The following GPSM2 variants were observed in gnomAD, a reference collection of about 807,000 sequenced individuals.
The protein encoded by GPSM2 is G protein signaling modulator 2.
A neutral mutation model predicts 78.4 loss-of-function variants in GPSM2; 58 were observed. The ratio of observed to expected loss-of-function variants is 0.74; its 90% confidence interval spans 0.60 to 0.92. The LOEUF is 0.92. Ranked by LOEUF, GPSM2 falls within the 40% of genes least tolerant of loss-of-function variation. GPSM2 has a pLI of 0.00. For synonymous variants in GPSM2, 224 were observed against 280.2 expected, an observed-to-expected ratio of 0.80 and a Z score of 2.00; for missense variants, 700 against 815.5, an observed-to-expected ratio of 0.86 and a Z score of 1.73.
chr1:108,916,108 G>A (rs1326542817), intron 11 of GPSM2, among the ~76,000 whole-genome samples: 6 of 149,884 alleles, frequency 4.0e-5, no homozygotes, highest in Non-Finnish European at 7.4e-5. Flanking sequence ...AGAAAAATTA[G>A]CTGGGCCTGG....
intron 2 of GPSM2, among the ~76,000 whole-genome samples, chr1:108,893,261 G>A (rs1169240727): frequency 6.6e-6 from 1 of 152,110 alleles, no homozygotes; most frequent in Non-Finnish European, 1.5e-5. Flanking sequence ...TTATACTTCC[G>A]ATTTTTAAAT....
In GPSM2 at chr1:108,887,987, G is replaced by A. The variant is rs116262727; in HGVS notation, c.56+2409G>A. 7.0e-3 allele frequency among the ~76,000 whole-genome samples: 1,065 copies of A among 152,262 alleles called. 11 individuals are homozygous for A. Among genetic ancestry groups the A allele is most frequent in the African/African-American group, 0.024 (1,007 of 41,542 alleles). ...GCAAGTTCTGGTAATTGCACTAAAC[G>A]ATAAAATAAATGCAAACTTAAATAT... On this transcript the variant is annotated intron_variant, in intron 2 of 14. Coordinates refer to ENST00000264126, the MANE Select transcript of GPSM2 (RefSeq NM_013296.5).
At chr1:108,904,354 T>A (rs1258915560) in intron 10 of GPSM2, 100 bp downstream of exon 10, 1 of 671,784 alleles carries the variant, frequency 1.5e-6, no homozygotes, top group Non-Finnish European at 2.6e-6. Flanking sequence ...ATATATAACA[T>A]GGGAAGTTCA....
intron 13 of GPSM2, 35 bp downstream of exon 13, chr1:108,922,611 G>A (rs1650801866): frequency 1.3e-6 from 2 of 1,517,246 alleles, no homozygotes; most frequent in Admixed American, 1.7e-5. Flanking sequence ...GATTTTAATA[G>A]TTCTCTTTGA....
intron 14 of GPSM2, among the ~76,000 whole-genome samples, chr1:108,925,058 T>C (rs768664825): frequency 1.2e-3 from 178 of 152,310 alleles, no homozygotes; most frequent in Non-Finnish European, 1.9e-3. Flanking sequence ...ATATCAGTTA[T>C]ATATTATGGT....
intron 2 of GPSM2, among the ~76,000 whole-genome samples, chr1:108,896,530 A>G (rs967263721): frequency 4.6e-5 from 7 of 152,232 alleles, no homozygotes; most frequent in Admixed American, 1.3e-4. Context: ...AAGGAAGTCC[A>G]GAGGTCTGTT....
Position 108,891,025 on chromosome 1 carries a change from A to G in GPSM2, c.56+5447A>G, listed in dbSNP as rs1206793457. ...CAAATTAAATCATATGCTTTCCGGA[A>G]TGTACTTCAGACCAATCTGGGGTTG... On this transcript the variant is annotated intron_variant, in intron 2 of 14. Coordinates refer to ENST00000264126, the MANE Select transcript of GPSM2 (RefSeq NM_013296.5). 2.6e-5 allele frequency among the ~76,000 whole-genome samples: 4 copies of G among 152,200 alleles called. No individual in the cohort carries two copies. The South Asian group carries it at 6.2e-4, about 24-fold the overall frequency.
chr1:108,911,288 G>A (rs1353322277), intron 10 of GPSM2, among the ~76,000 whole-genome samples: 1 of 152,170 alleles, frequency 6.6e-6, no homozygotes, highest in Non-Finnish European at 1.5e-5. Flanking sequence ...AGCACTTTGG[G>A]ATGCCGAGGC....
At position 108,926,031 on chromosome 1, in the gene GPSM2, G is replaced by T. The variant is rs185906331; in HGVS notation, c.1815+1817G>T. 7.9e-5 allele frequency among the ~76,000 whole-genome samples: 12 copies of T among 152,220 alleles called. No homozygotes were observed. In the East Asian group the frequency reaches 2.3e-3, roughly 29 times the overall value. ...TGCTTTTATTTTCTCACCAAAGAAA[G>T]AAGTAGTCATCAGTTAAGATTGGAG... On this transcript the variant is annotated intron_variant, in intron 14 of 14. Coordinates refer to ENST00000264126, the MANE Select transcript of GPSM2 (RefSeq NM_013296.5).
chr1:108,878,060 C>G (rs1229197962), intron 1 of GPSM2, among the ~76,000 whole-genome samples: 2 of 152,158 alleles, frequency 1.3e-5, no homozygotes, highest in Non-Finnish European at 2.9e-5. Flanking sequence ...GCAGGACCAA[C>G]AGAGCTGAGT....
At chr1:108,897,159 T>A in intron 3 of GPSM2, 74 bp downstream of exon 3, 2 of 1,052,616 alleles carry the variant, frequency 1.9e-6, no homozygotes, top group Non-Finnish European at 2.9e-6. Context: ...TCTATTCAAT[T>A]AACAAAAACT....
chr1:108,879,763 C>G (rs757761854), intron 1 of GPSM2, among the ~76,000 whole-genome samples: 5 of 151,990 alleles, frequency 3.3e-5, no homozygotes, highest in Non-Finnish European at 7.4e-5. Flanking sequence ...TGCAGTGAGC[C>G]GAGATCGCGC....
chr1:108,934,417 T>C lies in GPSM2; in HGVS notation c.*4477T>C. ...ATCAGTGATGCCTGTCATCTGTTCA[T>C]CTTAAAATAAACACTTCTTACTTTA... On this transcript the variant is annotated 3_prime_UTR_variant, in exon 15 of 15. Transcript: ENST00000264126. 1 of 467,930 alleles carries C rather than the reference T, an allele frequency of 2.1e-6. No homozygotes were observed. The highest frequency in any genetic ancestry group is 3.8e-6 in the Non-Finnish European group (1 of 266,514). 29.0% of individuals were successfully genotyped at this position (467,930 alleles called of 1,614,324 possible).
chr1:108,895,368 A>G (rs1177668706), intron 2 of GPSM2, among the ~76,000 whole-genome samples: 2 of 152,232 alleles, frequency 1.3e-5, no homozygotes, highest in Non-Finnish European at 2.9e-5. Flanking sequence ...GTGGTACATA[A>G]GGTAACTTTA....
intron 1 of GPSM2, among the ~76,000 whole-genome samples, chr1:108,883,430 G>A (rs1570871733): frequency 6.6e-6 from 1 of 152,172 alleles, no homozygotes; most frequent in African/African-American, 2.4e-5. Context: ...AGAAATGGAA[G>A]AATTGCTCAA....
chr1:108,917,650 A>T (rs1427510049), intron 11 of GPSM2, among the ~76,000 whole-genome samples: 1 of 44,324 alleles, frequency 2.3e-5, no homozygotes, highest in East Asian at 6.0e-4. Context: ...ATATATATAT[A>T]TATATATATA....
chr1:108,899,083 G>T lies in GPSM2; in HGVS notation c.797+89G>T. 3.7e-6 allele frequency: 3 copies of T among 814,252 alleles called. No homozygotes were observed. The South Asian group carries it at 4.4e-5, about 12-fold the overall frequency. The allele number at this position is 814,252 out of a possible 1,614,324, so 50.4% of individuals were successfully genotyped here. On this transcript the variant is annotated intron_variant, in intron 7 of 14. Coordinates refer to ENST00000264126, the MANE Select transcript of GPSM2 (RefSeq NM_013296.5). ...TTAGGTTTAAAATCTGATTGTAGCAGAACTTTTGGCATCTAAGCCTCAATT... is the reference window on the plus strand; with the variant it reads ...TTAGGTTTAAAATCTGATTGTAGCATAACTTTTGGCATCTAAGCCTCAATT...
intron 7 of GPSM2, among the ~76,000 whole-genome samples, chr1:108,900,871 C>T (rs890046466): frequency 9.2e-5 from 14 of 152,084 alleles, no homozygotes; most frequent in Admixed American, 3.3e-4. Context: ...AAAGCTATCA[C>T]GTTACCGCAT....
rs375455303 is a variant in GPSM2, at chr1:108,897,968, G to A, written c.424G>A (p.Ala142Thr). 2.5e-6 allele frequency: 4 copies of A among 1,613,836 alleles called. No individual in the cohort carries two copies. The highest frequency in any genetic ancestry group is 1.3e-5 in the African/African-American group (1 of 74,932). Residue 142 changes from alanine to threonine, a missense_variant, in exon 5 of 15, where the codon GCA becomes ACA. Coordinates refer to ENST00000264126, the MANE Select transcript of GPSM2 (RefSeq NM_013296.5). ...SRELNDKVGEARALYNLGNVY... is the reference protein window; with the variant it reads ...SRELNDKVGETRALYNLGNVY... Reference sequence around the variant, plus strand: ...TGATGTCTTCATTTAGGTGGGAGAAGCAAGAGCACTTTACAATCTTGGGAA... The same window carrying A: ...TGATGTCTTCATTTAGGTGGGAGAAACAAGAGCACTTTACAATCTTGGGAA...
Sources: gnomAD v4.1 joint callset for allele counts (sites outside exome capture counted in the v4.1 genomes callset) on GRCh38, gnomAD v4.1.1 for gene constraint, MANE v1.5 for transcripts, NCBI Gene and HGNC (gene_info 2026-07-23, HGNC 2026-07-21) for gene names.